The following ZNF865 variants were observed in gnomAD, a reference collection of about 807,000 sequenced individuals.
ZNF865 encodes zinc finger protein 865.
For missense variants in ZNF865, 1,311 were observed against 1,593.4 expected, an observed-to-expected ratio of 0.82 and a Z score of 3.02; for synonymous variants, 763 against 750.8, an observed-to-expected ratio of 1.02 and a Z score of -0.27.
chr19:55,609,128 C>G (rs12974590), intron 1 of ZNF865, among the ~76,000 whole-genome samples: 1 of 152,192 alleles, frequency 6.6e-6, no homozygotes, highest in African/African-American at 2.4e-5. Context: ...AAGCAATTAT[C>G]CTGCCTCAGC....
chr19:55,606,934 A>G (rs1039722187), intron 1 of ZNF865, among the ~76,000 whole-genome samples: 4 of 152,200 alleles, frequency 2.6e-5, no homozygotes, highest in African/African-American at 9.6e-5. Context: ...AGCCATGCAA[A>G]GATCTGGGTG....
At chr19:55,610,502 C>T (rs138399317) in intron 1 of ZNF865, among the ~76,000 whole-genome samples, 6 of 152,320 alleles carry the variant, frequency 3.9e-5, no homozygotes, top group African/African-American at 1.4e-4. Flanking sequence ...CTCAGGTGAT[C>T]CTCCTGCCTT....
At position 55,614,957 on chromosome 19, in the gene ZNF865, G is replaced by A. The variant is rs752614168; in HGVS notation, c.1339G>A (p.Gly447Ser). ...PRPVYPCDLC[G>S]KSYSAPQSLL... ...GCCCGTGTACCCCTGCGACCTGTGCGGCAAGTCCTACTCGGCTCCGCAGAG... is the reference window on the plus strand; with the variant it reads ...GCCCGTGTACCCCTGCGACCTGTGCAGCAAGTCCTACTCGGCTCCGCAGAG... The change falls in exon 2 of 2, where the codon GGC (glycine) becomes AGC (serine). Residue 447 changes from glycine to serine, a missense_variant. Coordinates refer to ENST00000568956, the MANE Select transcript of ZNF865 (RefSeq NM_001195605.2). This position sits in a 1 kb window ranked among gnomAD's most constrained non-coding sequence, Gnocchi z 8.0. 6 of 1,470,428 alleles carry A rather than the reference G, an allele frequency of 4.1e-6. No individual in the cohort carries two copies. Among genetic ancestry groups the A allele is most frequent in the Non-Finnish European group, 5.4e-6 (6 of 1,118,376 alleles). 91.1% of individuals were successfully genotyped at this position (1,470,428 alleles called of 1,614,324 possible).
rs753955221 is a variant in ZNF865, at chr19:55,615,601, A to G, written c.1983A>G (p.Ala661=). 2 of 1,533,048 alleles carry G rather than the reference A, an allele frequency of 1.3e-6. No individual in the cohort carries two copies. The highest frequency in any genetic ancestry group is 1.4e-5 in the African/African-American group (1 of 72,716). 95.0% of individuals were successfully genotyped at this position (1,533,048 alleles called of 1,614,324 possible). A position where few individuals can be genotyped will look rare whatever the true frequency, so the allele number is the denominator to read the frequency against. The change falls in exon 2 of 2, where the codon GCA becomes GCG. Residue 661 remains alanine (A), a synonymous_variant. Transcript: ENST00000568956. Reference sequence around the variant, plus strand: ...GGCCCGGGGCCTCGGGCACGTCTGCAGGGCCCACCGATGGGCTGAGCTACG... The same window carrying G: ...GGCCCGGGGCCTCGGGCACGTCTGCGGGGCCCACCGATGGGCTGAGCTACG... ...ACGPGASGTS[A]GPTDGLSYAC... is the part of the protein sequence containing the mutation.
Position 55,616,887 on chromosome 19 carries a change from G to C in ZNF865, c.*89G>C. ...ATCAGACTCTTCCCCCCTCCTCGCT[G>C]TTGCCCCATCCTTCAGAACTTCACA... On this transcript the variant is annotated 3_prime_UTR_variant, in exon 2 of 2. Coordinates refer to ENST00000568956, the MANE Select transcript of ZNF865 (RefSeq NM_001195605.2). The C allele has an allele frequency of 7.5e-7, 1 of 1,335,794 alleles. No homozygotes were observed. Among genetic ancestry groups the C allele is most frequent in the African/African-American group, 1.5e-5 (1 of 65,844 alleles). 82.7% of individuals were successfully genotyped at this position (1,335,794 alleles called of 1,614,324 possible). A position where few individuals can be genotyped will look rare whatever the true frequency, so the allele number is the denominator to read the frequency against.
In ZNF865 at chr19:55,617,066, G is replaced by A; in HGVS notation, c.*268G>A. On this transcript the variant is annotated 3_prime_UTR_variant, in exon 2 of 2. Coordinates refer to ENST00000568956, the MANE Select transcript of ZNF865 (RefSeq NM_001195605.2). ...ACCCGCATCAGCCCCCGCCCCAGCA[G>A]CACTCTGCCCCCAGTAAGTTTTGGC... The A allele has an allele frequency of 5.2e-6, 2 of 386,288 alleles. No homozygotes were observed. The highest frequency in any genetic ancestry group is 9.2e-6 in the Non-Finnish European group (2 of 217,904). 23.9% of individuals were successfully genotyped at this position (386,288 alleles called of 1,614,324 possible). A position where few individuals can be genotyped will look rare whatever the true frequency, so the allele number is the denominator to read the frequency against.
rs1981246465 is a variant in ZNF865 at position 55,614,113 on chromosome 19, A to G, written c.495A>G (p.Gly165=). 4 of 1,430,790 alleles carry G rather than the reference A, an allele frequency of 2.8e-6. No individual in the cohort carries two copies. The South Asian group carries it at 6.0e-5, about 21-fold the overall frequency. The allele number at this position is 1,430,790 out of a possible 1,614,324, so 88.6% of individuals were successfully genotyped here. The change falls in exon 2 of 2, where the codon GGA becomes GGG. Residue 165 remains glycine, a synonymous_variant. Transcript: ENST00000568956. The surrounding 1 kb of genome is among the most constrained non-coding windows in gnomAD (Gnocchi z 8.0). ...ACTTGTTTGGGAACCTGAAGCGAGG[A>G]GGGCCCGCGTCCGGGCCGGGGGTGA... ...HQHLFGNLKR[G]GPASGPGVTP... is the part of the protein sequence containing the mutation.
chr19:55,607,177 C>T (rs1039199920), intron 1 of ZNF865, among the ~76,000 whole-genome samples: 19 of 152,130 alleles, frequency 1.2e-4, no homozygotes, highest in Admixed American at 9.8e-4. Flanking sequence ...TACGTTCATT[C>T]GTAAACACTG....
In ZNF865 at chr19:55,616,242, C is replaced by T; in HGVS notation, c.2624C>T (p.Pro875Leu). 6.6e-7 allele frequency: 1 copy of T among 1,524,954 alleles called. No individual in the cohort carries two copies. Among genetic ancestry groups the T allele is most frequent in the Non-Finnish European group, 8.8e-7 (1 of 1,140,474 alleles). The allele number at this position is 1,524,954 out of a possible 1,614,324, so 94.5% of individuals were successfully genotyped here. Reference sequence around the variant, plus strand: ...CAGCGCTGCCACACGGAACAGCGGCCGTACCGATGTGGCGTGTGCGGCCGA... The same window carrying T: ...CAGCGCTGCCACACGGAACAGCGGCTGTACCGATGTGGCGTGTGCGGCCGA... Reference protein sequence around the residue: ...RHQRCHTEQRPYRCGVCGRGF... With the variant: ...RHQRCHTEQRLYRCGVCGRGF... The change falls in exon 2 of 2, where the codon CCG (proline) becomes CTG (leucine). Residue 875 changes from proline to leucine, a missense_variant. Physicochemically the swap from Pro to Leu is moderately conservative, Grantham distance 98 (BLOSUM62 -3). Coordinates refer to ENST00000568956, the MANE Select transcript of ZNF865 (RefSeq NM_001195605.2).
In ZNF865 at chr19:55,615,648, A is replaced by C; in HGVS notation, c.2030A>C (p.His677Pro). ...LSYACSDCGE[H>P]FPDLFHVMSH... is the part of the protein sequence containing the mutation. ...TACGCCTGCTCGGACTGCGGCGAGC[A>C]CTTCCCGGATCTCTTTCACGTCATG... Residue 677 changes from histidine (H) to proline (P), a missense_variant, in exon 2 of 2, where the codon CAC (histidine) becomes CCC (proline). Transcript: ENST00000568956. 6.5e-7 allele frequency: 1 copy of C among 1,534,544 alleles called. No individual in the cohort carries two copies. The highest frequency in any genetic ancestry group is 8.7e-7 in the Non-Finnish European group (1 of 1,146,234).
Position 55,616,055 on chromosome 19 carries a change from G to A in ZNF865, c.2437G>A (p.Val813Met). The A allele has an allele frequency of 1.3e-6, 2 of 1,516,956 alleles. No homozygotes were observed. Among genetic ancestry groups the A allele is most frequent in the Non-Finnish European group, 1.8e-6 (2 of 1,137,842 alleles). The allele number at this position is 1,516,956 out of a possible 1,614,324, so 94.0% of individuals were successfully genotyped here. Residue 813 changes from valine to methionine, a missense_variant, in exon 2 of 2, where the codon GTG becomes ATG. By Grantham distance (21) the Val-to-Met change is conservative (BLOSUM62 1). Coordinates refer to ENST00000568956, the MANE Select transcript of ZNF865 (RefSeq NM_001195605.2). ...HFLGLVTHKY[V>M]HLVRRTLGCG... ...CCTGGGCCTCGTGACTCACAAGTAC[G>A]TGCACCTGGTGCGACGGACCCTGGG...
chr19:55,613,932 C>A lies in ZNF865; in HGVS notation c.314C>A (p.Ser105Ter). Residue 105 changes from serine (S) to a stop codon, truncating the protein, a stop_gained, in exon 2 of 2, where the codon TCG becomes TAG. Coordinates refer to ENST00000568956, the MANE Select transcript of ZNF865 (RefSeq NM_001195605.2). LOFTEE classifies it low-confidence loss of function (END_TRUNC). ...SSSSSSSSSS[S>*]SSSSSSSSSS... ...TCCTCGTCCTCCTCCTCCTCCTCTT[C>A]GTCCTCCTCGTCGTCATCTTCGTCC... The A allele has an allele frequency of 6.5e-7, 1 of 1,530,508 alleles. No individual in the cohort carries two copies. The highest frequency in any genetic ancestry group is 8.8e-7 in the Non-Finnish European group (1 of 1,142,752). 94.8% of individuals were successfully genotyped at this position (1,530,508 alleles called of 1,614,324 possible). A position where few individuals can be genotyped will look rare whatever the true frequency, so the allele number is the denominator to read the frequency against.
intron 1 of ZNF865, among the ~76,000 whole-genome samples, chr19:55,607,967 C>T (rs1836290680): frequency 6.6e-6 from 1 of 152,162 alleles, no homozygotes; most frequent in African/African-American, 2.4e-5. Context: ...AAAATCCTTG[C>T]CTTCAGGAAG....
Position 55,614,990 on chromosome 19 carries a change from C to G in ZNF865, c.1372C>G (p.Arg458Gly), listed in dbSNP as rs1981294374. ...KSYSAPQSLL[R>G]HKAAHAPPAA... ...CTACTCGGCTCCGCAGAGCCTGCTC[C>G]GCCACAAGGCCGCCCACGCCCCGCC... Residue 458 changes from arginine to glycine, a missense_variant, in exon 2 of 2, where the codon CGC becomes GGC. Arg to Gly is a moderately radical substitution (Grantham distance 125). Transcript: ENST00000568956. The surrounding 1 kb of genome is among the most constrained non-coding windows in gnomAD (Gnocchi z 8.0). 25 of 1,412,880 alleles carry G rather than the reference C, an allele frequency of 1.8e-5. No individual in the cohort carries two copies. Among genetic ancestry groups the G allele is most frequent in the Non-Finnish European group, 2.3e-5 (25 of 1,090,814 alleles). 87.5% of individuals were successfully genotyped at this position (1,412,880 alleles called of 1,614,324 possible).
At chr19:55,608,604 G>A (rs554553524) in intron 1 of ZNF865, among the ~76,000 whole-genome samples, 5 of 152,240 alleles carry the variant, frequency 3.3e-5, no homozygotes, top group Admixed American at 6.5e-5. Flanking sequence ...GTGAGCCACC[G>A]TGCCCAGTCA....
In ZNF865 at chr19:55,613,600, C is replaced by G; in HGVS notation, c.-19C>G. On this transcript the variant is annotated 5_prime_UTR_variant, in exon 2 of 2. Coordinates refer to ENST00000568956, the MANE Select transcript of ZNF865 (RefSeq NM_001195605.2). ...CCGTCCTCCTCTTCACAGGGTCTCC[C>G]GTCTCCCACCCGCCGGAGATGGAGG... The G allele has an allele frequency of 5.3e-6, 8 of 1,500,000 alleles. No homozygotes were observed. The highest frequency in any genetic ancestry group is 7.1e-6 in the Non-Finnish European group (8 of 1,129,324). 92.9% of individuals were successfully genotyped at this position (1,500,000 alleles called of 1,614,324 possible).
chr19:55,610,606 A>G (rs943842240), intron 1 of ZNF865, among the ~76,000 whole-genome samples: 1 of 152,196 alleles, frequency 6.6e-6, no homozygotes, highest in Non-Finnish European at 1.5e-5. Flanking sequence ...TTGGTAATTT[A>G]GGAAGGTGGT....
Position 55,614,948 on chromosome 19 carries a change from G to A in ZNF865, c.1330G>A (p.Asp444Asn). Residue 444 changes from aspartate (D) to asparagine (N), a missense_variant, in exon 2 of 2, where the codon GAC becomes AAC. Coordinates refer to ENST00000568956, the MANE Select transcript of ZNF865 (RefSeq NM_001195605.2). The surrounding 1 kb of genome is among the most constrained non-coding windows in gnomAD (Gnocchi z 8.0). ...AGGPRPVYPC[D>N]LCGKSYSAPQ... ...GGGGCCTCGGCCCGTGTACCCCTGCGACCTGTGCGGCAAGTCCTACTCGGC... is the reference window on the plus strand; with the variant it reads ...GGGGCCTCGGCCCGTGTACCCCTGCAACCTGTGCGGCAAGTCCTACTCGGC... 2 of 1,478,282 alleles carry A rather than the reference G, an allele frequency of 1.4e-6. No homozygotes were observed. Among genetic ancestry groups the A allele is most frequent in the Non-Finnish European group, 1.8e-6 (2 of 1,121,484 alleles). 91.6% of individuals were successfully genotyped at this position (1,478,282 alleles called of 1,614,324 possible). A position where few individuals can be genotyped will look rare whatever the true frequency, so the allele number is the denominator to read the frequency against.
rs1308872454 is a variant in ZNF865, at chr19:55,614,214, C to T, written c.596C>T (p.Ala199Val). Residue 199 changes from alanine to valine, a missense_variant, in exon 2 of 2, where the codon GCG becomes GTG. By Grantham distance (64) the Ala-to-Val change is moderately conservative. Coordinates refer to ENST00000568956, the MANE Select transcript of ZNF865 (RefSeq NM_001195605.2). The surrounding 1 kb of genome is among the most constrained non-coding windows in gnomAD (Gnocchi z 8.0). ...APSQTPPGPP[A>V]AAACDPTKDD... ...TCGCAGACCCCGCCAGGACCCCCCG[C>T]GGCGGCGGCCTGCGACCCCACCAAG... The T allele has an allele frequency of 2.1e-5, 31 of 1,506,920 alleles. No individual in the cohort carries two copies. The highest frequency in any genetic ancestry group is 2.6e-5 in the Non-Finnish European group (29 of 1,133,504). 93.3% of individuals were successfully genotyped at this position (1,506,920 alleles called of 1,614,324 possible).
Sources: gnomAD v4.1 joint callset for allele counts (sites outside exome capture counted in the v4.1 genomes callset) on GRCh38, gnomAD v4.1.1 for gene constraint, Gnocchi (gnomAD v3.1) non-coding constraint, MANE v1.5 for transcripts, NCBI Gene and HGNC (gene_info 2026-07-23, HGNC 2026-07-21) for gene names.